Variants in WDR49 observed in about 807,000 individuals in gnomAD.
WDR49 encodes cilia- and flagella-associated protein 337.
In WDR49, 107 loss-of-function variants were observed where a neutral mutation model predicts 119.5. That is an observed-to-expected ratio of 0.90 (90% CI 0.77 to 1.05). The LOEUF is 1.05. WDR49 is among the 50% of genes least tolerant of loss of function. The pLI is 0.00. For missense variants in WDR49, 1,240 were observed against 1,220.5 expected (o/e 1.02, Z -0.24); for synonymous variants, 425 against 418.8 (o/e 1.01, Z -0.18).
intron 16 of WDR49, among the ~76,000 whole-genome samples, chr3:167,514,001 C>A (rs1452724822): frequency 1.3e-5 from 2 of 152,266 alleles, no homozygotes; most frequent in South Asian, 4.1e-4. Flanking sequence ...GACTCCCACA[C>A]AATCATAGTG....
chr3:167,571,024 C>CAAA (rs202109133), intron 8 of WDR49, among the ~76,000 whole-genome samples: 1 of 84,364 alleles, frequency 1.2e-5, no homozygotes, highest in Non-Finnish European at 2.7e-5. Flanking sequence ...GACTCCATCT[C>CAAA]AAAAAAAAAA....
At chr3:167,569,908 G>C (rs1387630242) in intron 8 of WDR49, among the ~76,000 whole-genome samples, 1 of 151,962 alleles carries the variant, frequency 6.6e-6, no homozygotes, top group East Asian at 1.9e-4. Context: ...TTGTTGTTTT[G>C]AATTTTTCAA....
At chr3:167,655,056 A>G (rs1718554491), upstream of WDR49, among the ~76,000 whole-genome samples, 1 of 152,224 alleles carries the variant, frequency 6.6e-6, no homozygotes, top group South Asian at 2.1e-4. Context: ...TAATTTATAA[A>G]GGAAAGAGGT....
intron 14 of WDR49, 46 bp downstream of exon 14, chr3:167,529,006 G>C: frequency 1.4e-6 from 2 of 1,459,696 alleles, no homozygotes; most frequent in Non-Finnish European, 1.8e-6. Flanking sequence ...GCAACAAAGG[G>C]TCACCAAAAA....
intron 5 of WDR49, among the ~76,000 whole-genome samples, chr3:167,609,733 A>G (rs548039555): frequency 6.6e-6 from 1 of 152,178 alleles, no homozygotes; most frequent in African/African-American, 2.4e-5. Context: ...GAGGGCTGGC[A>G]TCACCCTCCT....
At chr3:167,522,175 C>A in intron 16 of WDR49, 140 bp downstream of exon 16, 1 of 751,368 alleles carries the variant, frequency 1.3e-6, no homozygotes, top group Non-Finnish European at 2.0e-6. Context: ...TCATACGCAC[C>A]TACCAATCCC....
intron 18 of WDR49, among the ~76,000 whole-genome samples, chr3:167,485,381 A>G (rs2108191705): frequency 6.6e-6 from 1 of 152,106 alleles, no homozygotes; most frequent in South Asian, 2.1e-4. Flanking sequence ...TAAATAAATA[A>G]AAATAAAAGT....
intron 3 of WDR49, 84 bp from the exon 4 acceptor site, chr3:167,621,727 T>C (rs1235042355): frequency 1.5e-6 from 2 of 1,291,862 alleles, no homozygotes; most frequent in African/African-American, 3.0e-5. Flanking sequence ...CCACTCTAAT[T>C]GCCAAATCAG....
chr3:167,500,941 A>G (rs559675986), intron 17 of WDR49, among the ~76,000 whole-genome samples: 2 of 152,340 alleles, frequency 1.3e-5, no homozygotes, highest in South Asian at 4.1e-4. Context: ...TTTTGTCACG[A>G]TGGTGACTCA....
chr3:167,621,708 G>A (rs1716880262), intron 3 of WDR49, 65 bp from the exon 4 acceptor site: 2 of 1,415,012 alleles, frequency 1.4e-6, no homozygotes, highest in East Asian at 5.0e-5. Context: ...AATATGCAAA[G>A]CAGACACGCC....
chr3:167,586,104 G>T (rs1013049137), intron 7 of WDR49, among the ~76,000 whole-genome samples: 6 of 152,266 alleles, frequency 3.9e-5, no homozygotes, highest in African/African-American at 9.6e-5. Context: ...TAGAAGCCAG[G>T]TTCTGAGAAA....
intron 7 of WDR49, among the ~76,000 whole-genome samples, chr3:167,590,576 A>C (rs1715058624): frequency 6.6e-6 from 1 of 151,932 alleles, no homozygotes; most frequent in African/African-American, 2.4e-5. Context: ...CTTCAGTCTC[A>C]TTACTTGTTA....
intron 14 of WDR49, 89 bp downstream of exon 14, chr3:167,528,963 A>T (rs1209651209): frequency 7.3e-6 from 8 of 1,101,008 alleles, no homozygotes; most frequent in African/African-American, 3.2e-5. Context: ...TCCTTTGTTT[A>T]GGAGACAGAC....
intron 2 of WDR49, among the ~76,000 whole-genome samples, chr3:167,648,421 C>A (rs763381413): frequency 1.3e-5 from 2 of 152,052 alleles, no homozygotes; most frequent in Non-Finnish European, 2.9e-5. Flanking sequence ...GATTATTGTC[C>A]CAGAAAACCT....
intron 5 of WDR49, among the ~76,000 whole-genome samples, chr3:167,606,543 C>T (rs1002011309): frequency 5.3e-5 from 8 of 152,130 alleles, no homozygotes. Context: ...GTGTAACTGT[C>T]CCTTGATACT....
chr3:167,645,746 A>G (rs1382991804), intron 2 of WDR49, among the ~76,000 whole-genome samples: 1 of 152,102 alleles, frequency 6.6e-6, no homozygotes, highest in Non-Finnish European at 1.5e-5. Context: ...ATCTCATCTC[A>G]TGGCCTCTCT....
chr3:167,605,227 C>T (rs1384350203), intron 5 of WDR49, among the ~76,000 whole-genome samples: 2 of 152,000 alleles, frequency 1.3e-5, no homozygotes, highest in African/African-American at 2.4e-5. Context: ...CTGATCTATT[C>T]AATTGGGCTG....
chr3:167,648,306 A>G (rs1718220939), intron 2 of WDR49, among the ~76,000 whole-genome samples: 1 of 152,164 alleles, frequency 6.6e-6, no homozygotes, highest in African/African-American at 2.4e-5. Flanking sequence ...ACCTACACTG[A>G]TTTCCAGAAA....
intron 5 of WDR49, among the ~76,000 whole-genome samples, chr3:167,608,517 G>C (rs1716172542): frequency 6.6e-6 from 1 of 152,164 alleles, no homozygotes; most frequent in Non-Finnish European, 1.5e-5. Context: ...CATATTGGAG[G>C]CTCAACAATT....
Sources: allele counts gnomAD v4.1 joint callset (sites outside exome capture counted in the v4.1 genomes callset), GRCh38; gene constraint gnomAD v4.1.1; transcripts MANE v1.5; gene names NCBI Gene and HGNC (gene_info 2026-07-23, HGNC 2026-07-21).